The following PLXDC1 variants were observed in gnomAD, a reference collection of about 807,000 sequenced individuals.
PLXDC1 encodes plexin domain containing 1.
In PLXDC1, 39 loss-of-function variants were observed where a neutral mutation model predicts 61.3. That is an observed-to-expected ratio of 0.64 (90% CI 0.49 to 0.83). The LOEUF is 0.83. PLXDC1 is among the 40% of genes least tolerant of loss of function. The pLI, the probability that PLXDC1 is intolerant of heterozygous loss-of-function variation, is 0.00. For missense variants in PLXDC1, 596 were observed against 666.5 expected (o/e 0.89, Z 1.17); for synonymous variants, 212 against 254.5 (o/e 0.83, Z 1.59).
chr17:39,083,643 A>G, intron 8 of PLXDC1, 103 bp from the exon 9 acceptor site: 1 of 874,316 alleles, frequency 1.1e-6, no homozygotes, highest in Non-Finnish European at 1.9e-6. Context: ...GGAGCCCCTG[A>G]CTTTGAGGAG....
chr17:39,137,343 T>C (rs1355357637), intron 2 of PLXDC1: 1 of 152,180 alleles, frequency 6.6e-6, no homozygotes, highest in African/African-American at 2.4e-5. Context: ...TCACTTGAAG[T>C]CAGGAGTTTG....
intron 7 of PLXDC1, among the ~76,000 whole-genome samples, chr17:39,095,779 C>T (rs1910170618): frequency 6.6e-6 from 1 of 152,108 alleles, no homozygotes; most frequent in Admixed American, 6.6e-5. Flanking sequence ...ATTCTCCTGC[C>T]TCAGCCTCCC....
At chr17:39,130,331 T>G (rs996392515) in intron 2 of PLXDC1, among the ~76,000 whole-genome samples, 9 of 152,064 alleles carry the variant, frequency 5.9e-5, no homozygotes, top group African/African-American at 1.7e-4. Flanking sequence ...CATATGCCTA[T>G]AGTCCCAGTT....
intron 7 of PLXDC1, among the ~76,000 whole-genome samples, chr17:39,104,996 A>C (rs1910544965): frequency 6.6e-6 from 1 of 152,194 alleles, no homozygotes; most frequent in Non-Finnish European, 1.5e-5. Context: ...TTCTACAGGA[A>C]GGTGACTTGG....
Position 39,068,655 on chromosome 17 carries a change from C to T in PLXDC1, c.1384-696G>A, listed in dbSNP as rs544055060. On this transcript the variant is annotated intron_variant, in intron 13 of 13. Coordinates refer to ENST00000315392, the MANE Select transcript of PLXDC1 (RefSeq NM_020405.5). ...TTGTGCCACTGTACTCCAGCCTAGGCGACAGAGTGAGACTGTCTCGAAATA... is the reference window on the plus strand; with the variant it reads ...TTGTGCCACTGTACTCCAGCCTAGGTGACAGAGTGAGACTGTCTCGAAATA... Among the ~76,000 whole-genome samples the T allele has an allele frequency of 8.7e-4, 133 of 152,268 alleles. 6 individuals are homozygous for T. In the South Asian group the frequency reaches 0.026, roughly 30 times the overall value.
intron 12 of PLXDC1, chr17:39,072,067 T>C (rs1909139705): frequency 4.3e-6 from 1 of 230,640 alleles, no homozygotes; most frequent in South Asian, 1.2e-4. Context: ...GAAGCTGCTC[T>C]CCACCCCTTG....
chr17:39,145,786 C>A (rs1208694797), intron 1 of PLXDC1, among the ~76,000 whole-genome samples: 3 of 152,150 alleles, frequency 2.0e-5, no homozygotes, highest in African/African-American at 7.2e-5. Context: ...AGACACTGAA[C>A]CCTGAATCTA....
In PLXDC1 at chr17:39,151,599, A is replaced by C. The variant is rs2045373278; in HGVS notation, c.-162T>G. 1 of 1,132,418 alleles carries C rather than the reference A, an allele frequency of 8.8e-7. No individual in the cohort carries two copies. Among genetic ancestry groups the C allele is most frequent in the South Asian group, 4.3e-5 (1 of 23,086 alleles). 70.1% of individuals were successfully genotyped at this position (1,132,418 alleles called of 1,614,324 possible). A position where few individuals can be genotyped will look rare whatever the true frequency, so the allele number is the denominator to read the frequency against. ...GCCGGGCGAGCCGGCAGGAGCGGCGAGAGCGCGAGCGGAGCTGGAGGCTGC... is the reference window on the plus strand; with the variant it reads ...GCCGGGCGAGCCGGCAGGAGCGGCGCGAGCGCGAGCGGAGCTGGAGGCTGC... On this transcript the variant is annotated 5_prime_UTR_variant, in exon 1 of 14. Coordinates refer to ENST00000315392, the MANE Select transcript of PLXDC1 (RefSeq NM_020405.5). The surrounding 1 kb of genome is among the most constrained non-coding windows in gnomAD (Gnocchi z 5.2).
chr17:39,071,255 G>A (rs1484681306), intron 12 of PLXDC1, among the ~76,000 whole-genome samples: 2 of 152,002 alleles, frequency 1.3e-5, no homozygotes, highest in African/African-American at 4.8e-5. Flanking sequence ...CTAGTTCCCT[G>A]ACACTACCTT....
intron 7 of PLXDC1, among the ~76,000 whole-genome samples, chr17:39,100,418 G>A (rs563543810): frequency 3.0e-4 from 46 of 152,104 alleles, no homozygotes; most frequent in Non-Finnish European, 5.4e-4. Context: ...ACCACACCCA[G>A]CTAACTTTTG....
chr17:39,095,648 G>T (rs1253117922), intron 7 of PLXDC1, among the ~76,000 whole-genome samples: 1 of 151,764 alleles, frequency 6.6e-6, no homozygotes, highest in Non-Finnish European at 1.5e-5. Flanking sequence ...TTTTTGGCGG[G>T]GGGGTTGTTT....
At chr17:39,108,410 G>A (rs756006968) in intron 4 of PLXDC1, 165 bp from the exon 5 acceptor site, 14 of 665,628 alleles carry the variant, frequency 2.1e-5, no homozygotes, top group Non-Finnish European at 3.4e-5. Context: ...GGTGTGTATG[G>A]AGCCAAAGGA....
intron 2 of PLXDC1, among the ~76,000 whole-genome samples, chr17:39,127,943 C>CAAAAAA (rs35444362): frequency 5.7e-5 from 3 of 52,916 alleles, no homozygotes; most frequent in African/African-American, 8.2e-5. Flanking sequence ...CTCCATCTCA[C>CAAAAAA]AAAAAAAAAA....
At chr17:39,087,322 A>C (rs2143461280) in intron 8 of PLXDC1, among the ~76,000 whole-genome samples, 1 of 152,286 alleles carries the variant, frequency 6.6e-6, no homozygotes, top group Non-Finnish European at 1.5e-5. Context: ...ATGTGGGAAT[A>C]ACAATAGCTG....
In PLXDC1 at chr17:39,072,445, C is replaced by T. The variant is rs760861648; in HGVS notation, c.1222+5G>A. The stretch of plus-strand genomic sequence containing the variant: ...GACGCTGAGGGCAGGCAGTTCTGTA[C>T]TCACCGTCTCCTCCTGCATAGGGAT... On this transcript the variant is annotated splice_donor_5th_base_variant and intron_variant, in intron 12 of 13. Coordinates refer to ENST00000315392, the MANE Select transcript of PLXDC1 (RefSeq NM_020405.5). 3 of 1,551,284 alleles carry T rather than the reference C, an allele frequency of 1.9e-6. No homozygotes were observed. Among genetic ancestry groups the T allele is most frequent in the African/African-American group, 1.4e-5 (1 of 73,638 alleles).
At chr17:39,068,007 T>C (rs1908961413) in intron 13 of PLXDC1, 48 bp from the exon 14 acceptor site, 1 of 1,597,554 alleles carries the variant, frequency 6.3e-7, no homozygotes, top group Non-Finnish European at 8.6e-7. Flanking sequence ...CCCGCCCCCA[T>C]GGGGACCCCA....
chr17:39,064,778 T>G lies in PLXDC1; in HGVS notation c.*3062A>C, dbSNP rs1908833306. ...TGAGGGTGGAGTAGGGGGGTGCCGG[T>G]GGAAGGAGGGTCTGAATTTGAGGAA... On this transcript the variant is annotated 3_prime_UTR_variant, in exon 14 of 14. Transcript: ENST00000315392. 6.6e-6 allele frequency: 1 copy of G among 151,980 alleles called. No individual in the cohort carries two copies. Among genetic ancestry groups the G allele is most frequent in the Admixed American group, 6.6e-5 (1 of 15,244 alleles). 9.4% of individuals were successfully genotyped at this position (151,980 alleles called of 1,614,324 possible). A position where few individuals can be genotyped will look rare whatever the true frequency, so the allele number is the denominator to read the frequency against.
chr17:39,104,431 T>A (rs1321570280), intron 7 of PLXDC1, among the ~76,000 whole-genome samples: 2 of 149,064 alleles, frequency 1.3e-5, no homozygotes, highest in East Asian at 1.9e-4. Flanking sequence ...TCCTTCAGAT[T>A]AAAAAAAAAA....
intron 8 of PLXDC1, 43 bp from the exon 9 acceptor site, chr17:39,083,583 C>A: frequency 6.8e-7 from 1 of 1,469,870 alleles, no homozygotes; most frequent in East Asian, 2.4e-5. Context: ...CGAGCCTCTC[C>A]TTGGGCTCCA....
Sources: gnomAD v4.1 joint callset for allele counts (sites outside exome capture counted in the v4.1 genomes callset) on GRCh38, gnomAD v4.1.1 for gene constraint, Gnocchi (gnomAD v3.1) non-coding constraint, MANE v1.5 for transcripts, NCBI Gene and HGNC (gene_info 2026-07-23, HGNC 2026-07-21) for gene names.